IMPA2: variants seen among roughly 807,000 people sequenced by gnomAD.
IMPA2 encodes inositol monophosphatase 2.
A neutral mutation model predicts 35.1 loss-of-function variants in IMPA2; 32 were observed. The ratio of observed to expected loss-of-function variants is 0.91; its 90% CI spans 0.69 to 1.23. The LOEUF (loss-of-function observed/expected upper bound fraction) is 1.23. IMPA2 is among the 50% of genes most tolerant of loss of function. IMPA2 has a pLI of 0.00. For synonymous variants in IMPA2, 135 were observed against 160.6 expected (o/e 0.84, Z 1.20); for missense variants, 334 against 387.6 (o/e 0.86, Z 1.16).
rs544487058 is a variant in IMPA2, at chr18:12,002,496, G to A, written c.230+3309G>A. ...ATAAGGTTTAAACTTCCTTCTGGTG[G>A]GGTGCAGTGGCTCATGTCTGTAATA... On this transcript the variant is annotated intron_variant, in intron 2 of 7. Transcript: ENST00000269159. Among the ~76,000 whole-genome samples, 6 of 152,192 alleles carry A rather than the reference G, an allele frequency of 3.9e-5. No individual in the cohort carries two copies. The East Asian group carries it at 1.2e-3, about 29-fold the overall frequency.
intron 5 of IMPA2, among the ~76,000 whole-genome samples, chr18:12,022,948 T>TTA (rs1265152612): frequency 7.7e-6 from 1 of 130,044 alleles, no homozygotes; most frequent in African/African-American, 3.4e-5. Flanking sequence ...CTAATTTTTT[T>TTA]TTTTTTTTTT....
rs934420270 is a variant in IMPA2 at position 11,982,741 on chromosome 18, T to G, written c.96+976T>G. ...CTGGGAGGCGAAGGTTGCAGTGAGC[T>G]GAGATCGCGCCATTGCACACCAGCC... On this transcript the variant is annotated intron_variant, in intron 1 of 7. Coordinates refer to ENST00000269159, the MANE Select transcript of IMPA2 (RefSeq NM_014214.3). Among the ~76,000 whole-genome samples the G allele has an allele frequency of 2.0e-5, 3 of 148,336 alleles. No individual in the cohort carries two copies. In the South Asian group the frequency reaches 6.3e-4, roughly 31 times the overall value.
chr18:11,995,420 G>A (rs1906933779), intron 1 of IMPA2, among the ~76,000 whole-genome samples: 1 of 152,244 alleles, frequency 6.6e-6, no homozygotes, highest in Non-Finnish European at 1.5e-5. Flanking sequence ...CGCGTGGTGT[G>A]CAGATTGCAA....
chr18:12,014,646 A>C (rs1000454790), intron 5 of IMPA2, among the ~76,000 whole-genome samples: 2 of 151,724 alleles, frequency 1.3e-5, no homozygotes, highest in Admixed American at 6.6e-5. Context: ...CGCAGTCACG[A>C]TTTGGTTGTA....
At chr18:12,009,479 A>G (rs1466876425) in intron 2 of IMPA2, among the ~76,000 whole-genome samples, 1 of 152,134 alleles carries the variant, frequency 6.6e-6, no homozygotes, top group Non-Finnish European at 1.5e-5. Context: ...GACTGGGAGA[A>G]TCAAAGTCAG....
chr18:12,019,275 G>A (rs1907664036), intron 5 of IMPA2, among the ~76,000 whole-genome samples: 1 of 151,890 alleles, frequency 6.6e-6, no homozygotes, highest in Admixed American at 6.6e-5. Flanking sequence ...TTGTTTTTGA[G>A]ATGGAGTCTC....
chr18:12,022,020 TA>T (rs1907743560), intron 5 of IMPA2, among the ~76,000 whole-genome samples: 2 of 152,242 alleles, frequency 1.3e-5, no homozygotes. Context: ...ATGTATGAGA[TA>T]TTTTTATTGT....
chr18:12,014,550 T>C (rs1907525556), intron 5 of IMPA2, among the ~76,000 whole-genome samples, 177 bp downstream of exon 5: 1 of 152,094 alleles, frequency 6.6e-6, no homozygotes. Context: ...ATGTTAGTGT[T>C]TTTGTTCACG....
chr18:11,994,090 GA>G (rs1906889345), intron 1 of IMPA2: 1 of 152,208 alleles, frequency 6.6e-6, no homozygotes, highest in African/African-American at 2.4e-5. Context: ...AAAAGATTAT[GA>G]AGGCTAGGTG....
At chr18:12,019,421 T>G (rs1907668155) in intron 5 of IMPA2, among the ~76,000 whole-genome samples, 1 of 127,344 alleles carries the variant, frequency 7.9e-6, no homozygotes, top group Non-Finnish European at 1.6e-5. Flanking sequence ...GTCCGGCTAA[T>G]TTTTTTTTTT....
rs541350549 is a variant in IMPA2 at position 11,991,598 on chromosome 18, G to A, written c.97-7456G>A. On this transcript the variant is annotated intron_variant, in intron 1 of 7. Transcript: ENST00000269159. This position sits in a 1 kb window ranked among gnomAD's most constrained non-coding sequence, Gnocchi z 4.1. ...GGAGGTGGGTGGGTCCAGTCTGCAGGGTGGGCTGGCAGCTGGAGACGCGGA... is the reference window on the plus strand; with the variant it reads ...GGAGGTGGGTGGGTCCAGTCTGCAGAGTGGGCTGGCAGCTGGAGACGCGGA... Among the ~76,000 whole-genome samples the A allele has an allele frequency of 5.3e-5, 8 of 152,312 alleles. No individual in the cohort carries two copies. The South Asian group carries it at 1.0e-3, about 20-fold the overall frequency.
chr18:12,009,556 G>A (rs751385759), intron 2 of IMPA2, among the ~76,000 whole-genome samples: 12 of 152,098 alleles, frequency 7.9e-5, no homozygotes, highest in Admixed American at 2.6e-4. Flanking sequence ...AGTTAAAATC[G>A]AGTTTAGTTT....
intron 5 of IMPA2, among the ~76,000 whole-genome samples, chr18:12,022,941 A>ATTTTTTTTTTTTTTTTTTTTTTTTTTTTT: frequency 1.2e-5 from 1 of 81,672 alleles, no homozygotes; most frequent in Non-Finnish European, 2.3e-5. Context: ...CGCCTGCCTA[A>ATTTTTTTTTTTTTTTTTTTTTTTTTTTTT]TTTTTTTTTT....
intron 1 of IMPA2, among the ~76,000 whole-genome samples, chr18:11,988,702 G>T (rs1229031457): frequency 6.6e-6 from 1 of 152,194 alleles, no homozygotes; most frequent in African/African-American, 2.4e-5. Context: ...GACTTCAGGG[G>T]TTTAGGCCTG....
intron 1 of IMPA2, among the ~76,000 whole-genome samples, chr18:11,996,798 G>T (rs1325939368): frequency 6.6e-6 from 1 of 151,952 alleles, no homozygotes; most frequent in African/African-American, 2.4e-5. Flanking sequence ...CCCCTGGTTA[G>T]GCTGCCTTTC....
At chr18:11,986,037 G>A (rs1906656057) in intron 1 of IMPA2, among the ~76,000 whole-genome samples, 1 of 152,184 alleles carries the variant, frequency 6.6e-6, no homozygotes, top group African/African-American at 2.4e-5. Flanking sequence ...TGGGGGCCTT[G>A]ATGCTTAAGC....
chr18:12,028,586 C>T, intron 6 of IMPA2: 1 of 517,880 alleles, frequency 1.9e-6, no homozygotes, highest in Non-Finnish European at 3.4e-6. Context: ...ATTCAATTCT[C>T]TGGTTGCTGC....
At chr18:11,992,326 T>A (rs1906839749) in intron 1 of IMPA2, among the ~76,000 whole-genome samples, 1 of 152,144 alleles carries the variant, frequency 6.6e-6, no homozygotes, top group South Asian at 2.1e-4. Flanking sequence ...AAGACACATC[T>A]CCTATTGAAA....
chr18:12,009,766 A>C (rs1303514933), intron 2 of IMPA2, 117 bp from the exon 3 acceptor site: 3 of 763,132 alleles, frequency 3.9e-6, no homozygotes, highest in Non-Finnish European at 6.9e-6. Context: ...ACCCAGAGAA[A>C]CCATGATGAC....
Sources: gnomAD v4.1 joint callset for allele counts (sites outside exome capture counted in the v4.1 genomes callset) on GRCh38, gnomAD v4.1.1 for gene constraint, Gnocchi (gnomAD v3.1) non-coding constraint, MANE v1.5 for transcripts, NCBI Gene and HGNC (gene_info 2026-07-23, HGNC 2026-07-21) for gene names.